Variants in STOX2 observed in about 807,000 individuals in gnomAD.
STOX2 encodes storkhead-box protein 2.
A neutral mutation model predicts 60.9 loss-of-function variants in STOX2; 28 were observed. That is an observed-to-expected ratio of 0.46 (90% CI 0.34 to 0.63). The LOEUF (loss-of-function observed/expected upper bound fraction) is 0.63. STOX2 is among the 30% of genes least tolerant of loss of function. The probability of loss-of-function intolerance (pLI) is 0.01; values close to 1 mark genes in which losing one functional copy is unlikely to be tolerated. For synonymous variants in STOX2, 472 were observed against 463.9 expected, an observed-to-expected ratio of 1.02 and a Z score of -0.22; for missense variants, 1,024 against 1,187.7, an observed-to-expected ratio of 0.86 and a Z score of 2.03.
At chr4:183,928,822 A>C (rs542633128) in intron 1 of STOX2, among the ~76,000 whole-genome samples, 57 of 152,168 alleles carry the variant, frequency 3.7e-4, no homozygotes, top group African/African-American at 1.3e-3. Context: ...AAACAAACAA[A>C]AAAAAAACAA....
At chr4:183,911,241 A>T (rs537747174) in intron 1 of STOX2, among the ~76,000 whole-genome samples, 1 of 152,300 alleles carries the variant, frequency 6.6e-6, no homozygotes, top group South Asian at 2.1e-4. Flanking sequence ...ATACAATCCT[A>T]TTCCCTATCA....
At chr4:183,809,463 A>T (rs1738987451) in intron 1 of STOX2, among the ~76,000 whole-genome samples, 1 of 152,092 alleles carries the variant, frequency 6.6e-6, no homozygotes, top group Admixed American at 6.5e-5. Context: ...CAGTGGCTCG[A>T]TCTCGGCTAA....
At chr4:183,871,563 C>T (rs1436091627) in intron 1 of STOX2, among the ~76,000 whole-genome samples, 1 of 152,152 alleles carries the variant, frequency 6.6e-6, no homozygotes, top group African/African-American at 2.4e-5. Flanking sequence ...TAGGAGCCCT[C>T]AGCAGCACAT....
At chr4:183,913,742 G>T (rs1242438542) in intron 1 of STOX2, among the ~76,000 whole-genome samples, 4 of 152,100 alleles carry the variant, frequency 2.6e-5, no homozygotes, top group African/African-American at 9.7e-5. Flanking sequence ...CTGCACTCCA[G>T]CCTGGGTGAC....
rs980102320 is a variant in STOX2 at position 184,022,506 on chromosome 4, C to A, written c.*5222C>A. 5 of 152,056 alleles carry A rather than the reference C, an allele frequency of 3.3e-5. No individual in the cohort carries two copies. In the East Asian group the frequency reaches 9.6e-4, roughly 29 times the overall value. 9.4% of individuals were successfully genotyped at this position (152,056 alleles called of 1,614,324 possible). On this transcript the variant is annotated 3_prime_UTR_variant, in exon 4 of 4. Transcript: ENST00000308497. Reference sequence around the variant, plus strand: ...ACATGATCAGTTATAGGGCTGTAATCATTAATTGTTGGCTTCAAATGTGGA... The same window carrying A: ...ACATGATCAGTTATAGGGCTGTAATAATTAATTGTTGGCTTCAAATGTGGA...
chr4:183,934,218 G>A (rs901390858), intron 1 of STOX2, among the ~76,000 whole-genome samples: 1 of 152,100 alleles, frequency 6.6e-6, no homozygotes, highest in Non-Finnish European at 1.5e-5. Context: ...TAGGAGTATC[G>A]CTTGAACCCA....
intron 1 of STOX2, among the ~76,000 whole-genome samples, chr4:183,954,118 G>A (rs1037903712): frequency 2.6e-5 from 4 of 152,032 alleles, no homozygotes; most frequent in Admixed American, 6.6e-5. Flanking sequence ...TGTAATTAAT[G>A]CTTCTTTAAA....
intron 1 of STOX2, among the ~76,000 whole-genome samples, chr4:183,851,017 T>G: frequency 7.8e-6 from 1 of 128,104 alleles, no homozygotes. Flanking sequence ...AGAGAAAGGA[T>G]GAGAGAAACG....
At chr4:183,802,197 A>G (rs1028744190) in intron 1 of STOX2, among the ~76,000 whole-genome samples, 7 of 152,224 alleles carry the variant, frequency 4.6e-5, no homozygotes, top group Admixed American at 3.3e-4. Flanking sequence ...CACATGTTTA[A>G]ATAGTTCAGA....
intron 1 of STOX2, among the ~76,000 whole-genome samples, chr4:183,975,727 T>A (rs1188083350): frequency 6.6e-6 from 1 of 152,220 alleles, no homozygotes; most frequent in Non-Finnish European, 1.5e-5. Context: ...ACTGGTAGAA[T>A]TCTCTGCCAA....
At chr4:183,862,809 A>G (rs1740479276) in intron 1 of STOX2, among the ~76,000 whole-genome samples, 1 of 152,228 alleles carries the variant, frequency 6.6e-6, no homozygotes, top group South Asian at 2.1e-4. Flanking sequence ...CCTCTCTCTA[A>G]CGGTGCCCTG....
At chr4:183,948,153 G>T (rs1334334454) in intron 1 of STOX2, among the ~76,000 whole-genome samples, 1 of 137,406 alleles carries the variant, frequency 7.3e-6, no homozygotes, top group African/African-American at 2.6e-5. Flanking sequence ...GGCAGGTGGA[G>T]GTTGCAGTGA....
intron 1 of STOX2, chr4:183,798,672 A>G: frequency 2.0e-6 from 2 of 985,112 alleles, no homozygotes; most frequent in Middle Eastern, 1.0e-3. Flanking sequence ...TGTGTGTCTG[A>G]GGGAAGGAAG....
intron 1 of STOX2, among the ~76,000 whole-genome samples, chr4:183,980,531 T>C (rs1027769580): frequency 1.3e-5 from 2 of 152,098 alleles, no homozygotes; most frequent in African/African-American, 4.8e-5. Flanking sequence ...GGGTGTTCCA[T>C]TGTGGTGTGC....
intron 1 of STOX2, among the ~76,000 whole-genome samples, chr4:183,808,591 A>G (rs1579288930): frequency 6.6e-6 from 1 of 152,224 alleles, no homozygotes; most frequent in Admixed American, 6.5e-5. Context: ...AAATGCAGAA[A>G]GCAGTACGTT....
intron 3 of STOX2, among the ~76,000 whole-genome samples, chr4:184,013,347 C>G (rs1734238715): frequency 6.6e-6 from 1 of 152,110 alleles, no homozygotes; most frequent in South Asian, 2.1e-4. Context: ...GAATTTATGA[C>G]TGGGATTATT....
rs1204581076 is a variant in STOX2, at chr4:183,825,340, A to G, written c.364+27285A>G. Among the ~76,000 whole-genome samples the G allele has an allele frequency of 6.6e-6, 1 of 152,138 alleles. No homozygotes were observed. The highest frequency in any genetic ancestry group is 1.5e-5 in the Non-Finnish European group (1 of 68,000). ...CAGCTGATGAGGCTTCCCAAGCAGT[A>G]GGTTGGGAGGAAGGTGGGCCGGGAG... On this transcript the variant is annotated intron_variant, in intron 1 of 2. Coordinates refer to the STOX2 transcript ENST00000513034. The surrounding 1 kb of genome is among the most constrained non-coding windows in gnomAD (Gnocchi z 4.1).
chr4:183,822,992 C>T (rs573137865), intron 1 of STOX2, among the ~76,000 whole-genome samples: 1 of 152,354 alleles, frequency 6.6e-6, no homozygotes, highest in South Asian at 2.1e-4. Context: ...GACCCATCTG[C>T]TGTGCACCTC....
intron 1 of STOX2, among the ~76,000 whole-genome samples, chr4:183,872,986 A>G (rs1740729259): frequency 6.6e-6 from 1 of 152,218 alleles, no homozygotes; most frequent in Admixed American, 6.5e-5. Context: ...AAACTTGTCT[A>G]TAAGCTGTGA....
Sources: allele counts gnomAD v4.1 joint callset (sites outside exome capture counted in the v4.1 genomes callset), GRCh38; gene constraint gnomAD v4.1.1; non-coding constraint Gnocchi (gnomAD v3.1); transcripts MANE v1.5; gene names NCBI Gene and HGNC (gene_info 2026-07-23, HGNC 2026-07-21).